ATP6V1C1: variants seen among roughly 807,000 people sequenced by gnomAD.
The protein encoded by ATP6V1C1 is V-type proton ATPase subunit C 1.
In ATP6V1C1, 45 loss-of-function variants were observed where a neutral mutation model predicts 53.9. That is an observed-to-expected ratio of 0.83 (90% confidence interval 0.66 to 1.07). The LOEUF is 1.07. ATP6V1C1 is among the 50% of genes least tolerant of loss of function. ATP6V1C1 has a pLI of 0.00. For missense variants in ATP6V1C1, 315 were observed against 440.3 expected, an observed-to-expected ratio of 0.72 and a Z score of 2.55; for synonymous variants, 153 against 155.2, an observed-to-expected ratio of 0.99 and a Z score of 0.11.
intron 3 of ATP6V1C1, among the ~76,000 whole-genome samples, chr8:103,045,742 C>G (rs192271559): frequency 6.6e-6 from 1 of 152,010 alleles, no homozygotes; most frequent in Non-Finnish European, 1.5e-5. Flanking sequence ...GAGATCGAGA[C>G]CATCCTGGCT....
In ATP6V1C1 at chr8:103,068,135, A is replaced by C. The variant is rs144067578; in HGVS notation, c.1054-517A>C. Among the ~76,000 whole-genome samples the C allele has an allele frequency of 3.4e-3, 521 of 152,246 alleles. 3 individuals carry two copies. Among genetic ancestry groups the C allele is most frequent in the African/African-American group, 0.012 (490 of 41,536 alleles). On this transcript the variant is annotated intron_variant, in intron 12 of 12. Coordinates refer to ENST00000518738, the MANE Select transcript of ATP6V1C1 (RefSeq NM_001695.5). ...GTTGGGACTATAGGCACGCAGTACC[A>C]CTGCTGGTTAATGTTTTTATTTTTA...
intron 1 of ATP6V1C1, among the ~76,000 whole-genome samples, chr8:103,024,646 T>A (rs1246359367): frequency 6.6e-6 from 1 of 152,232 alleles, no homozygotes; most frequent in Non-Finnish European, 1.5e-5. Flanking sequence ...CATTTATAAA[T>A]TAATTCATGT....
At chr8:103,052,082 C>A (rs1182958518) in intron 5 of ATP6V1C1, among the ~76,000 whole-genome samples, 1 of 151,684 alleles carries the variant, frequency 6.6e-6, no homozygotes, top group Non-Finnish European at 1.5e-5. Context: ...TTTTCTGTAT[C>A]CTTAAGGATT....
chr8:103,022,683 C>T (rs753820352), intron 1 of ATP6V1C1, among the ~76,000 whole-genome samples: 10 of 152,056 alleles, frequency 6.6e-5, no homozygotes, highest in African/African-American at 1.2e-4. Context: ...TACCCTCTCG[C>T]TCTGAGAGGG....
chr8:103,062,400 A>G (rs1817418304), intron 8 of ATP6V1C1, among the ~76,000 whole-genome samples: 1 of 151,882 alleles, frequency 6.6e-6, no homozygotes, highest in Non-Finnish European at 1.5e-5. Flanking sequence ...CAAAGTCCTG[A>G]ACTCAAGCAA....
intron 3 of ATP6V1C1, among the ~76,000 whole-genome samples, chr8:103,047,332 A>G (rs1463670774): frequency 6.6e-6 from 1 of 151,078 alleles, no homozygotes; most frequent in Non-Finnish European, 1.5e-5. Context: ...GCTTGAGCCC[A>G]GATGTTCAAA....
chr8:103,047,956 A>T (rs763186449), intron 3 of ATP6V1C1, among the ~76,000 whole-genome samples: 1 of 152,074 alleles, frequency 6.6e-6, no homozygotes, highest in Admixed American at 6.5e-5. Flanking sequence ...TTAGTAATTT[A>T]TATATTTTTG....
At chr8:103,027,446 C>T (rs1167716834) in intron 1 of ATP6V1C1, among the ~76,000 whole-genome samples, 1 of 152,194 alleles carries the variant, frequency 6.6e-6, no homozygotes, top group Non-Finnish European at 1.5e-5. Context: ...ACCTTCCATT[C>T]ACAGAAGCAG....
At chr8:103,042,512 G>A (rs1817019550) in intron 3 of ATP6V1C1, 105 bp downstream of exon 3, 2 of 1,181,124 alleles carry the variant, frequency 1.7e-6, no homozygotes, top group Non-Finnish European at 2.4e-6. Context: ...TATTGGAATG[G>A]TTTTAGAAAA....
At chr8:103,022,610 T>A (rs1228718717) in intron 1 of ATP6V1C1, among the ~76,000 whole-genome samples, 1 of 152,096 alleles carries the variant, frequency 6.6e-6, no homozygotes, top group Non-Finnish European at 1.5e-5. Flanking sequence ...TGGAAGATTT[T>A]AAAAAGGCAT....
At chr8:103,055,411 A>C (rs1018728842) in intron 7 of ATP6V1C1, among the ~76,000 whole-genome samples, 2 of 152,148 alleles carry the variant, frequency 1.3e-5, no homozygotes, top group Non-Finnish European at 2.9e-5. Flanking sequence ...GTGGCAACAT[A>C]GTTTACTGTC....
chr8:103,040,677 C>G (rs1054456196), intron 1 of ATP6V1C1, 121 bp from the exon 2 acceptor site: 2 of 818,182 alleles, frequency 2.4e-6, no homozygotes, highest in Non-Finnish European at 3.5e-6. Flanking sequence ...GCTTGAGATC[C>G]TATGCCAACA....
intron 1 of ATP6V1C1, among the ~76,000 whole-genome samples, chr8:103,025,173 G>A (rs1816674363): frequency 6.6e-6 from 1 of 152,208 alleles, no homozygotes; most frequent in East Asian, 1.9e-4. Context: ...TGAATAGGAA[G>A]TTGTAAATTA....
At chr8:103,051,749 A>C (rs533359775) in intron 5 of ATP6V1C1, among the ~76,000 whole-genome samples, 2 of 152,134 alleles carry the variant, frequency 1.3e-5, no homozygotes, top group Non-Finnish European at 2.9e-5. Flanking sequence ...GAGAGGAAAA[A>C]AAAGTCTTTT....
At chr8:103,066,288 G>A in intron 11 of ATP6V1C1, 33 bp from the exon 12 acceptor site, 1 of 1,583,498 alleles carries the variant, frequency 6.3e-7, no homozygotes, top group East Asian at 2.2e-5. Context: ...ATGTTTGCTT[G>A]TATTGCGTAC....
intron 4 of ATP6V1C1, among the ~76,000 whole-genome samples, chr8:103,049,663 A>C (rs886250894): frequency 6.6e-5 from 10 of 152,162 alleles, no homozygotes; most frequent in African/African-American, 2.4e-4. Context: ...TGAGCTGGGC[A>C]TGGTGGCTCA....
At chr8:103,067,464 A>AT (rs1280785171) in intron 12 of ATP6V1C1, among the ~76,000 whole-genome samples, 155 of 142,066 alleles carry the variant, frequency 1.1e-3, no homozygotes, top group African/African-American at 3.0e-3. Flanking sequence ...TATCTTGCTG[A>AT]TTTTTTTTTT....
chr8:103,026,584 G>A (rs539244412), intron 1 of ATP6V1C1, among the ~76,000 whole-genome samples: 12 of 152,242 alleles, frequency 7.9e-5, no homozygotes, highest in South Asian at 6.2e-4. Context: ...GGCAAAGGGC[G>A]GGCGGATCAC....
chr8:103,043,032 T>A (rs1817028928), intron 3 of ATP6V1C1, among the ~76,000 whole-genome samples: 1 of 152,358 alleles, frequency 6.6e-6, no homozygotes, highest in East Asian at 1.9e-4. Context: ...ACTTTTTGGC[T>A]TATAAGAATA....
Sources: gnomAD v4.1 joint callset for allele counts (sites outside exome capture counted in the v4.1 genomes callset) on GRCh38, gnomAD v4.1.1 for gene constraint, MANE v1.5 for transcripts, NCBI Gene and HGNC (gene_info 2026-07-23, HGNC 2026-07-21) for gene names.